The following KMT2C variants were observed in gnomAD, a reference collection of about 807,000 sequenced individuals.
The protein encoded by KMT2C is lysine methyltransferase 2C.
KMT2C carries 88 observed loss-of-function variants against 507.9 expected under a neutral mutation model. The ratio of observed to expected loss-of-function variants is 0.17; its 90% CI spans 0.15 to 0.21. The LOEUF is 0.21. Ranked by LOEUF, KMT2C falls within the 10% of genes least tolerant of loss-of-function variation. The pLI is 1.00. For missense variants in KMT2C, 4,954 were observed against 5,957.8 expected (o/e 0.83, Z 5.55); for synonymous variants, 2,049 against 2,080.8 (o/e 0.98, Z 0.42).
At chr7:152,157,680 T>C (rs986496729) in intron 44 of KMT2C, 1 of 923,406 alleles carries the variant, frequency 1.1e-6, no homozygotes, top group Admixed American at 5.0e-5. Context: ...GTAAACTAAA[T>C]ACAAAAATAA....
chr7:152,180,593 A>T, intron 36 of KMT2C, 118 bp downstream of exon 36: 2 of 768,634 alleles, frequency 2.6e-6, no homozygotes, highest in South Asian at 4.2e-5. Flanking sequence ...CAGTATGACA[A>T]ACTCTACAGA....
intron 14 of KMT2C, among the ~76,000 whole-genome samples, chr7:152,245,106 G>C (rs1437265302): frequency 2.0e-5 from 3 of 152,152 alleles, no homozygotes; most frequent in African/African-American, 7.2e-5. Context: ...AAATGTGAAA[G>C]ATTTGTTGCA....
At chr7:152,339,588 T>C (rs2096971162) in intron 2 of KMT2C, among the ~76,000 whole-genome samples, 1 of 152,242 alleles carries the variant, frequency 6.6e-6, no homozygotes, top group South Asian at 2.1e-4. Context: ...ATTTTATTCA[T>C]TTAAAAACAT....
At chr7:152,330,348 G>A (rs757570379) in intron 3 of KMT2C, among the ~76,000 whole-genome samples, 25 of 152,046 alleles carry the variant, frequency 1.6e-4, no homozygotes, top group Non-Finnish European at 2.6e-4. Context: ...CAGCACATTG[G>A]TAATATTCTG....
Position 152,250,872 on chromosome 7 carries a change from A to C in KMT2C, c.1716T>G (p.Thr572=). ...TCTTACCATCTGGAACAATTCCAGGAGTGGACTCCTGACCGTTGACATCTT... is the reference window on the plus strand; with the variant it reads ...TCTTACCATCTGGAACAATTCCAGGCGTGGACTCCTGACCGTTGACATCTT... ...ANKDVNGQES[T]PGIVPDAVQV... is the part of the protein sequence containing the mutation. The change falls in exon 12 of 59, where the codon ACT becomes ACG. Residue 572 remains threonine, a synonymous_variant. Coordinates refer to ENST00000262189, the MANE Select transcript of KMT2C (RefSeq NM_170606.3). 1 of 1,592,974 alleles carries C rather than the reference A, an allele frequency of 6.3e-7. No individual in the cohort carries two copies. Among genetic ancestry groups the C allele is most frequent in the Middle Eastern group, 1.7e-4 (1 of 6,016 alleles).
chr7:152,135,567 ATTT>A lies in KMT2C; in HGVS notation c.*1262_*1264del, dbSNP rs1352897913. ...GTTAAATAGAAGGCTAAAGGGTTAG[ATTT>A]AAGTTTCTGCTACATGATCCTATTA... is the stretch of plus-strand genomic sequence containing the variant. On this transcript the variant is annotated 3_prime_UTR_variant, in exon 59 of 59. Coordinates refer to ENST00000262189, the MANE Select transcript of KMT2C (RefSeq NM_170606.3). 1.8e-5 allele frequency: 4 copies of A among 226,014 alleles called. No homozygotes were observed. The highest frequency in any genetic ancestry group is 3.5e-5 in the Non-Finnish European group (4 of 113,484). The allele number at this position is 226,014 out of a possible 1,614,324, so 14.0% of individuals were successfully genotyped here.
In KMT2C at chr7:152,248,095, T is replaced by C. The variant is rs2095506039; in HGVS notation, c.2339A>G (p.Asp780Gly). 1 of 1,614,130 alleles carries C rather than the reference T, an allele frequency of 6.2e-7. No individual in the cohort carries two copies. The highest frequency in any genetic ancestry group is 8.5e-7 in the Non-Finnish European group (1 of 1,180,028). The change falls in exon 14 of 59, where the codon GAT (aspartate) becomes GGT (glycine). Residue 780 changes from aspartate (D) to glycine (G), a missense_variant. Around this residue, in one of 29 missense-constraint regions of KMT2C, gnomAD observed 20 missense variants for 53.1 expected, o/e 0.38. Coordinates refer to ENST00000262189, the MANE Select transcript of KMT2C (RefSeq NM_170606.3). ...AGAAGGTGTTGGGGAGGAAGACACATCTGCCTTGCTTATGTCTGCTGATGA... is the reference window on the plus strand; with the variant it reads ...AGAAGGTGTTGGGGAGGAAGACACACCTGCCTTGCTTATGTCTGCTGATGA... ...FSSSADISKADVSSSPTPSSD... is the reference protein window; with the variant it reads ...FSSSADISKAGVSSSPTPSSD...
At chr7:152,382,037 CA>C (rs2097378864) in intron 1 of KMT2C, among the ~76,000 whole-genome samples, 1 of 152,204 alleles carries the variant, frequency 6.6e-6, no homozygotes, top group Non-Finnish European at 1.5e-5. Context: ...CGTAACATAC[CA>C]AATAAGAACC....
intron 9 of KMT2C, among the ~76,000 whole-genome samples, chr7:152,262,355 G>T (rs929120210): frequency 6.6e-6 from 1 of 152,068 alleles, no homozygotes; most frequent in Non-Finnish European, 1.5e-5. Flanking sequence ...CCTCAACCTC[G>T]CAACACCAGC....
At chr7:152,326,416 ATTATT>A (rs2096829017) in intron 3 of KMT2C, among the ~76,000 whole-genome samples, 1 of 152,122 alleles carries the variant, frequency 6.6e-6, no homozygotes, top group Non-Finnish European at 1.5e-5. Flanking sequence ...CTAGTCACAT[ATTATT>A]TTATATTATT....
intron 6 of KMT2C, among the ~76,000 whole-genome samples, chr7:152,298,154 G>A (rs180817714): frequency 6.6e-6 from 1 of 152,194 alleles, no homozygotes; most frequent in African/African-American, 2.4e-5. Flanking sequence ...TCAGTGAGCA[G>A]TCAGGCAACT....
rs1442729481 is a variant in KMT2C at position 152,187,813 on chromosome 7, A to G, written c.4695T>C (p.Leu1565=). The change falls in exon 32 of 59, where the codon CTT becomes CTC. Residue 1565 remains leucine, a synonymous_variant. Transcript: ENST00000262189. ...AFSRMPLMNG[L]IGSSPHLPHN... is the part of the protein sequence containing the mutation. ...GTGGGAGATGAGGACTGGATCCAAT[A>G]AGGCCATTCATGAGAGGCATCCGTG... The G allele has an allele frequency of 1.9e-6, 3 of 1,613,812 alleles. No individual in the cohort carries two copies. The East Asian group carries it at 6.7e-5, about 36-fold the overall frequency.
At chr7:152,242,561 A>T (rs10281785) in intron 14 of KMT2C, among the ~76,000 whole-genome samples, 1,981 of 152,286 alleles carry the variant, frequency 0.013, 42 homozygotes, top group African/African-American at 0.046. Flanking sequence ...ATTTGAACCC[A>T]AGAAAAATAA....
intron 1 of KMT2C, among the ~76,000 whole-genome samples, chr7:152,401,871 G>C (rs1367252853): frequency 3.9e-5 from 6 of 151,946 alleles, no homozygotes; most frequent in Admixed American, 3.9e-4. Context: ...AGCACTCTGG[G>C]AGGCTGAGGC....
At chr7:152,395,101 ACT>A (rs1176830628) in intron 1 of KMT2C, among the ~76,000 whole-genome samples, 1 of 152,140 alleles carries the variant, frequency 6.6e-6, no homozygotes, top group Non-Finnish European at 1.5e-5. Context: ...AAATAATCTC[ACT>A]CAAGAAAAAA....
chr7:152,251,054 G>T, intron 11 of KMT2C, 88 bp from the exon 12 acceptor site: 2 of 704,888 alleles, frequency 2.8e-6, no homozygotes. Context: ...TATGAGTAAG[G>T]GCAAATCATC....
rs1394942420 is a variant in KMT2C, at chr7:152,175,385, G to A, written c.9262+806C>T. Among the ~76,000 whole-genome samples, 5 of 151,798 alleles carry A rather than the reference G, an allele frequency of 3.3e-5. No homozygotes were observed. The South Asian group carries it at 1.0e-3, about 32-fold the overall frequency. On this transcript the variant is annotated intron_variant, in intron 38 of 58. Coordinates refer to ENST00000262189, the MANE Select transcript of KMT2C (RefSeq NM_170606.3). ...TTGTGCAGAATATGCTGGTTACATAGGTATACATATGTCATGGTGGTTTGC... is the reference window on the plus strand; with the variant it reads ...TTGTGCAGAATATGCTGGTTACATAAGTATACATATGTCATGGTGGTTTGC...
intron 1 of KMT2C, among the ~76,000 whole-genome samples, chr7:152,431,285 AT>A (rs1346720435): frequency 1.3e-5 from 2 of 151,856 alleles, no homozygotes; most frequent in African/African-American, 4.8e-5. Context: ...TAGACTAAAA[AT>A]AACATCTTCT....
At position 152,413,885 on chromosome 7, in the gene KMT2C, C is replaced by CA. The variant is rs56006056; in HGVS notation, c.161+21740dup. ...GGGTGACAAGAGCAAAACTCCGTCT[C>CA]AAAAAAAAAAAAAAATTTACAAAAG... is the stretch of plus-strand genomic sequence containing the variant. On this transcript the variant is annotated intron_variant, in intron 1 of 58. Coordinates refer to ENST00000262189, the MANE Select transcript of KMT2C (RefSeq NM_170606.3). 3.2e-3 allele frequency among the ~76,000 whole-genome samples: 343 copies of CA among 108,120 alleles called. 3 individuals are homozygous for CA. Among genetic ancestry groups the CA allele is most frequent in the South Asian group, 0.019 (61 of 3,296 alleles). 70.9% of individuals were successfully genotyped at this position (108,120 alleles called of 152,430 possible).
Sources: allele counts gnomAD v4.1 joint callset (sites outside exome capture counted in the v4.1 genomes callset), GRCh38; gene constraint gnomAD v4.1.1; regional missense constraint gnomAD v4.1.1; transcripts MANE v1.5; gene names NCBI Gene and HGNC (gene_info 2026-07-23, HGNC 2026-07-21).